Variants in FOXP2 observed in about 807,000 individuals in gnomAD.
The protein encoded by FOXP2 is forkhead box protein P2.
FOXP2 carries 12 observed loss-of-function variants against 115.8 expected under a neutral mutation model. That is an observed-to-expected ratio of 0.10 (90% CI 0.07 to 0.17). The LOEUF is 0.17. Among genes scored for constraint, FOXP2 ranks in the 10% least tolerant of loss-of-function variants. The probability of loss-of-function intolerance (pLI) is 1.00; values close to 1 mark genes in which losing one functional copy is unlikely to be tolerated. For synonymous variants in FOXP2, 328 were observed against 297.7 expected (o/e 1.10, Z -1.05); for missense variants, 629 against 843.5 (o/e 0.75, Z 3.15).
chr7:114,219,542 A>G (rs1040648602), intron 1 of FOXP2, among the ~76,000 whole-genome samples: 10 of 152,116 alleles, frequency 6.6e-5, no homozygotes, highest in African/African-American at 2.4e-4. Flanking sequence ...TAGGCAAAAC[A>G]TTTTCCATTT....
chr7:114,597,604 T>A (rs1419717846), intron 3 of FOXP2, among the ~76,000 whole-genome samples: 5 of 152,144 alleles, frequency 3.3e-5, no homozygotes, highest in African/African-American at 9.6e-5. Flanking sequence ...CTAGACAGAG[T>A]TGTGTAAGTT....
chr7:114,459,941 T>G (rs1795489709), intron 2 of FOXP2, among the ~76,000 whole-genome samples: 1 of 152,142 alleles, frequency 6.6e-6, no homozygotes, highest in Non-Finnish European at 1.5e-5. Flanking sequence ...TAAAAACCAT[T>G]GCTTAGAAGC....
At chr7:114,176,263 C>CTTTCTTTCTTT (rs1793295959) in intron 1 of FOXP2, among the ~76,000 whole-genome samples, 1 of 123,440 alleles carries the variant, frequency 8.1e-6, no homozygotes, top group African/African-American at 3.8e-5. Flanking sequence ...TCTCTCTTTC[C>CTTTCTTTCTTT]CTTTCTTTCT....
At chr7:114,586,548 T>C (rs1330462542) in intron 3 of FOXP2, among the ~76,000 whole-genome samples, 1 of 152,114 alleles carries the variant, frequency 6.6e-6, no homozygotes, top group East Asian at 1.9e-4. Context: ...GCATCTTATA[T>C]ATAATAATCA....
At chr7:114,127,590 A>G (rs919912194) in intron 1 of FOXP2, among the ~76,000 whole-genome samples, 6 of 152,216 alleles carry the variant, frequency 3.9e-5, no homozygotes, top group African/African-American at 1.2e-4. Flanking sequence ...CAGAATGTAA[A>G]GAGACGAAGA....
At chr7:114,146,460 A>G (rs1045223045) in intron 1 of FOXP2, among the ~76,000 whole-genome samples, 2 of 152,208 alleles carry the variant, frequency 1.3e-5, no homozygotes, top group African/African-American at 4.8e-5. Flanking sequence ...GGATAAATGA[A>G]TGAGTCACTC....
intron 2 of FOXP2, among the ~76,000 whole-genome samples, chr7:114,476,191 T>C (rs1289427585): frequency 2.0e-5 from 3 of 151,948 alleles, no homozygotes; most frequent in Non-Finnish European, 2.9e-5. Flanking sequence ...AAAAATTCTT[T>C]GTCAAGACTG....
intron 1 of FOXP2, among the ~76,000 whole-genome samples, chr7:114,265,915 C>T (rs1359183423): frequency 1.3e-5 from 2 of 152,128 alleles, no homozygotes; most frequent in African/African-American, 4.8e-5. Flanking sequence ...TTTCGAGAAG[C>T]AGTGTCCTGA....
At chr7:114,682,835 A>G (rs923619568) in intron 16 of FOXP2, among the ~76,000 whole-genome samples, 1 of 152,182 alleles carries the variant, frequency 6.6e-6, no homozygotes, top group Non-Finnish European at 1.5e-5. Flanking sequence ...TAATATAAAT[A>G]GAGATAATTA....
At chr7:114,448,389 T>C (rs1257989844) in intron 2 of FOXP2, among the ~76,000 whole-genome samples, 3 of 152,164 alleles carry the variant, frequency 2.0e-5, no homozygotes, top group Non-Finnish European at 2.9e-5. Context: ...CTTTAGTTTA[T>C]ATTGTACCTG....
rs1436190639 is a variant in FOXP2, at chr7:114,313,511, C to T, written c.-11+25402C>T. Reference sequence around the variant, plus strand: ...CTGTAATCCCAGCACTTTGGGAGGCCGAGGCGGGCGGATCACGAGGTCAGG... The same window carrying T: ...CTGTAATCCCAGCACTTTGGGAGGCTGAGGCGGGCGGATCACGAGGTCAGG... On this transcript the variant is annotated intron_variant, in intron 2 of 17. Transcript: ENST00000634411. 5.6e-5 allele frequency among the ~76,000 whole-genome samples: 3 copies of T among 53,892 alleles called. 1 individual carries two copies. Among genetic ancestry groups the T allele is most frequent in the Non-Finnish European group, 9.8e-5 (3 of 30,638 alleles). The allele number at this position is 53,892 out of a possible 152,430, so 35.4% of individuals were successfully genotyped here. A position where few individuals can be genotyped will look rare whatever the true frequency, so the allele number is the denominator to read the frequency against.
At chr7:114,242,122 A>T (rs1385715357) in intron 1 of FOXP2, among the ~76,000 whole-genome samples, 1 of 151,292 alleles carries the variant, frequency 6.6e-6, no homozygotes, top group Non-Finnish European at 1.5e-5. Flanking sequence ...GAAAGTTCTC[A>T]TGAGGCTAAA....
chr7:114,587,883 C>CG (rs1437168231), intron 3 of FOXP2, among the ~76,000 whole-genome samples: 1 of 58,904 alleles, frequency 1.7e-5, no homozygotes, highest in African/African-American at 4.4e-5. Flanking sequence ...ATAATTAAAT[C>CG]CACCTTTCTT....
At chr7:114,677,834 G>A (rs1417922339) in intron 16 of FOXP2, among the ~76,000 whole-genome samples, 2 of 152,182 alleles carry the variant, frequency 1.3e-5, no homozygotes, top group Non-Finnish European at 2.9e-5. Context: ...AGAGGCTTGC[G>A]AGGTTGAATG....
At chr7:114,609,241 T>C (rs1189625640) in intron 3 of FOXP2, among the ~76,000 whole-genome samples, 1 of 151,380 alleles carries the variant, frequency 6.6e-6, no homozygotes, top group Admixed American at 6.6e-5. Context: ...GAAAGAAACC[T>C]TTATATATAT....
At chr7:114,284,276 TA>T (rs11357065) in intron 1 of FOXP2, among the ~76,000 whole-genome samples, 49,751 of 146,268 alleles carry the variant, frequency 0.34, 8,589 homozygotes, top group African/African-American at 0.43. Flanking sequence ...AGCACATTGT[TA>T]AAAAAAAAAA....
chr7:114,203,662 T>C (rs987226910), intron 1 of FOXP2, among the ~76,000 whole-genome samples: 1 of 152,160 alleles, frequency 6.6e-6, no homozygotes, highest in Non-Finnish European at 1.5e-5. Context: ...CAACACCTTT[T>C]GAATAAAGGC....
chr7:114,150,566 T>A (rs1161496715), intron 1 of FOXP2, among the ~76,000 whole-genome samples: 1 of 152,078 alleles, frequency 6.6e-6, no homozygotes, highest in Non-Finnish European at 1.5e-5. Flanking sequence ...TTATTATTAT[T>A]GTTTTTGCTG....
At chr7:114,677,165 CAAAAAACAAAAAAAA>C (rs1475889807) in intron 16 of FOXP2, among the ~76,000 whole-genome samples, 5 of 78,040 alleles carry the variant, frequency 6.4e-5, no homozygotes, top group Non-Finnish European at 1.2e-4. Context: ...GAATCCGTCT[CAAAAAACAAAAAAAA>C]AAAAAACAAA....
Sources: allele counts gnomAD v4.1 joint callset (sites outside exome capture counted in the v4.1 genomes callset), GRCh38; gene constraint gnomAD v4.1.1; transcripts MANE v1.5; gene names NCBI Gene and HGNC (gene_info 2026-07-23, HGNC 2026-07-21).